Variants in CNTN4 observed in about 807,000 individuals in gnomAD.
The protein encoded by CNTN4 is contactin 4, also known as contactin-4.
A neutral mutation model predicts 122.5 loss-of-function variants in CNTN4; 77 were observed. That is an observed-to-expected ratio of 0.63 (90% confidence interval 0.52 to 0.76). The LOEUF (loss-of-function observed/expected upper bound fraction) is 0.76, where lower values mean the gene tolerates loss of function less well. CNTN4 is among the 30% of genes least tolerant of loss of function. CNTN4 has a pLI of 0.00. For missense variants in CNTN4, 1,256 were observed against 1,259.1 expected, an observed-to-expected ratio of 1.00 and a Z score of 0.04; for synonymous variants, 512 against 447.0, an observed-to-expected ratio of 1.15 and a Z score of -1.83.
chr3:2,797,157 T>C (rs566158292), intron 6 of CNTN4, among the ~76,000 whole-genome samples: 3 of 152,186 alleles, frequency 2.0e-5, no homozygotes, highest in Admixed American at 6.5e-5. Context: ...TGCACCACCA[T>C]GCCCAACTAA....
intron 3 of CNTN4, among the ~76,000 whole-genome samples, chr3:2,410,473 T>A (rs2151029204): frequency 6.6e-6 from 1 of 152,324 alleles, no homozygotes; most frequent in South Asian, 2.1e-4. Flanking sequence ...ATAAAATTAA[T>A]CCCTTCTCTT....
intron 2 of CNTN4, among the ~76,000 whole-genome samples, chr3:2,206,692 G>A (rs2038360674): frequency 1.3e-5 from 2 of 152,012 alleles, no homozygotes; most frequent in South Asian, 4.1e-4. Flanking sequence ...CTATCAACTG[G>A]TAATATTAGA....
chr3:2,420,745 T>C lies in CNTN4; in HGVS notation c.-89+81512T>C, dbSNP rs897818412. Among the ~76,000 whole-genome samples the C allele has an allele frequency of 2.6e-5, 4 of 152,186 alleles. No individual in the cohort carries two copies. The East Asian group carries it at 7.7e-4, about 29-fold the overall frequency. On this transcript the variant is annotated intron_variant, in intron 3 of 24. Transcript: ENST00000418658. Reference sequence around the variant, plus strand: ...CCGCGCCTGGCCAAATGTTCTTTACTGGACGCCTTCAATCCCCTTGTCATT... The same window carrying C: ...CCGCGCCTGGCCAAATGTTCTTTACCGGACGCCTTCAATCCCCTTGTCATT...
chr3:2,453,167 G>T (rs1378720254), intron 3 of CNTN4, among the ~76,000 whole-genome samples: 2 of 151,796 alleles, frequency 1.3e-5, no homozygotes, highest in Non-Finnish European at 2.9e-5. Flanking sequence ...ATAATCTAGT[G>T]GTTGGTAATT....
intron 13 of CNTN4, among the ~76,000 whole-genome samples, chr3:2,948,731 T>C (rs111686643): frequency 5.4e-4 from 82 of 152,232 alleles, no homozygotes; most frequent in African/African-American, 1.8e-3. Flanking sequence ...ACAGAAATAA[T>C]AATATATTGG....
At chr3:2,597,811 G>A (rs570425970) in intron 4 of CNTN4, among the ~76,000 whole-genome samples, 13 of 152,234 alleles carry the variant, frequency 8.5e-5, no homozygotes, top group African/African-American at 3.1e-4. Context: ...CCATAAAACA[G>A]CCTATGTTTG....
intron 4 of CNTN4, among the ~76,000 whole-genome samples, chr3:2,648,725 A>G (rs1286843228): frequency 6.6e-6 from 1 of 152,194 alleles, no homozygotes; most frequent in East Asian, 1.9e-4. Flanking sequence ...AGAAGCGTAC[A>G]TCTTTCACTT....
intron 3 of CNTN4, among the ~76,000 whole-genome samples, chr3:2,530,778 G>C (rs1032626439): frequency 6.6e-6 from 1 of 152,104 alleles, no homozygotes; most frequent in African/African-American, 2.4e-5. Flanking sequence ...GTTCTTAAAA[G>C]TGTAACTCCC....
intron 3 of CNTN4, among the ~76,000 whole-genome samples, chr3:2,458,641 G>A (rs780289975): frequency 3.3e-5 from 5 of 151,850 alleles, no homozygotes; most frequent in Admixed American, 6.6e-5. Flanking sequence ...TTTTCCCCAC[G>A]AAGTTAGTAC....
At chr3:2,573,633 G>C (rs548304992) in intron 4 of CNTN4, among the ~76,000 whole-genome samples, 3 of 152,152 alleles carry the variant, frequency 2.0e-5, no homozygotes, top group Non-Finnish European at 4.4e-5. Context: ...TAAAAATCAA[G>C]AAAGCCACTA....
intron 4 of CNTN4, among the ~76,000 whole-genome samples, chr3:2,635,193 C>T (rs2082611874): frequency 6.6e-6 from 1 of 152,126 alleles, no homozygotes; most frequent in Admixed American, 6.5e-5. Context: ...AAATTCCTTT[C>T]CCTCTATATC....
chr3:2,629,646 GT>G (rs1227445468), intron 4 of CNTN4: 2 of 404,710 alleles, frequency 4.9e-6, no homozygotes, highest in Non-Finnish European at 9.7e-6. Context: ...GTTTTCCACA[GT>G]TCATGGTTCT....
At chr3:2,564,970 G>T (rs2079097236) in intron 3 of CNTN4, among the ~76,000 whole-genome samples, 1 of 152,082 alleles carries the variant, frequency 6.6e-6, no homozygotes, top group Non-Finnish European at 1.5e-5. Context: ...TCTGCCTAAT[G>T]TACTCATATT....
At chr3:3,019,450 C>T (rs1329666445) in intron 14 of CNTN4, among the ~76,000 whole-genome samples, 1 of 151,970 alleles carries the variant, frequency 6.6e-6, no homozygotes, top group Non-Finnish European at 1.5e-5. Context: ...GTGTACCACA[C>T]TCAACTAGTT....
At chr3:2,865,437 C>G (rs555553510) in intron 7 of CNTN4, among the ~76,000 whole-genome samples, 32 of 152,262 alleles carry the variant, frequency 2.1e-4, no homozygotes, top group African/African-American at 7.0e-4. Flanking sequence ...ACTGAAGTGA[C>G]CTTTCTGCTA....
At chr3:2,960,182 T>C (rs773365989) in intron 13 of CNTN4, among the ~76,000 whole-genome samples, 20 of 152,134 alleles carry the variant, frequency 1.3e-4, no homozygotes, top group Non-Finnish European at 2.5e-4. Flanking sequence ...CTAGTGAAAA[T>C]TGGTTTGAGA....
intron 4 of CNTN4, among the ~76,000 whole-genome samples, chr3:2,721,397 G>T (rs2087843513): frequency 6.6e-6 from 1 of 152,200 alleles, no homozygotes; most frequent in Non-Finnish European, 1.5e-5. Flanking sequence ...TTGTCATTAA[G>T]TTAGGATGCA....
In CNTN4 at chr3:2,608,683, G is replaced by A. The variant is rs189943860; in HGVS notation, c.55+37125G>A. 5.3e-5 allele frequency among the ~76,000 whole-genome samples: 8 copies of A among 151,194 alleles called. No individual in the cohort carries two copies. The South Asian group carries it at 1.5e-3, about 27-fold the overall frequency. On this transcript the variant is annotated intron_variant, in intron 4 of 24. Coordinates refer to ENST00000418658, the MANE Select transcript of CNTN4 (RefSeq NM_175607.3). The stretch of plus-strand genomic sequence containing the variant: ...TTTTTAGTAGACATGGGGTTTCACC[G>A]TGTTGGCCAGGCTGATCTCGAACTC...
intron 2 of CNTN4, among the ~76,000 whole-genome samples, chr3:2,268,703 TAAA>T (rs1446709758): frequency 6.6e-6 from 1 of 152,088 alleles, no homozygotes; most frequent in East Asian, 1.9e-4. Context: ...GAGAAGAAAA[TAAA>T]GAAGCACTCT....
Sources: gnomAD v4.1 joint callset for allele counts (sites outside exome capture counted in the v4.1 genomes callset) on GRCh38, gnomAD v4.1.1 for gene constraint, MANE v1.5 for transcripts, NCBI Gene and HGNC (gene_info 2026-07-23, HGNC 2026-07-21) for gene names.